Variants in SVIL observed in about 807,000 individuals in gnomAD.
SVIL encodes archvillin.
In SVIL, 101 loss-of-function variants were observed where a neutral mutation model predicts 240.4. That is an observed-to-expected ratio of 0.42 (90% confidence interval 0.36 to 0.50). The LOEUF is 0.50. SVIL is among the 20% of genes least tolerant of loss of function. The pLI, the probability that SVIL is intolerant of heterozygous loss-of-function variation, is 0.01. For missense variants in SVIL, 2,512 were observed against 2,818.7 expected (o/e 0.89, Z 2.46); for synonymous variants, 999 against 1,100.0 (o/e 0.91, Z 1.82).
rs757099028 is a variant in SVIL, at chr10:29,481,577, G to A, written c.5100+7C>T. 9.3e-6 allele frequency: 15 copies of A among 1,613,258 alleles called. No homozygotes were observed. Among genetic ancestry groups the A allele is most frequent in the South Asian group, 2.2e-5 (2 of 90,822 alleles). On this transcript the variant is annotated splice_region_variant and intron_variant, in intron 28 of 37. Transcript: ENST00000355867. ...CCCCGAGTTTTGAGGCTTGGTCGCC[G>A]GAATACCTTGTGCTGGGCAAGTTCC...
At position 29,458,168 on chromosome 10, in the gene SVIL, G is replaced by A. The variant is rs962506942; in HGVS notation, c.*79C>T. The stretch of plus-strand genomic sequence containing the variant: ...GAAAAATACTTTGTGAAAAACACCA[G>A]TCCAAAAATATATATCCATTTCCCT... On this transcript the variant is annotated 3_prime_UTR_variant, in exon 38 of 38. Coordinates refer to ENST00000355867, the MANE Select transcript of SVIL (RefSeq NM_021738.3). The A allele has an allele frequency of 7.9e-6, 11 of 1,388,900 alleles. No individual in the cohort carries two copies. In the African/African-American group the frequency reaches 1.2e-4, roughly 15 times the overall value. The allele number at this position is 1,388,900 out of a possible 1,614,324, so 86.0% of individuals were successfully genotyped here.
At chr10:29,623,435 C>A (rs916873587) in intron 1 of SVIL, among the ~76,000 whole-genome samples, 1 of 152,242 alleles carries the variant, frequency 6.6e-6, no homozygotes, top group African/African-American at 2.4e-5. Flanking sequence ...CTAAGTCAGG[C>A]CCCATGGGTT....
intron 2 of SVIL, among the ~76,000 whole-genome samples, chr10:29,567,124 C>T (rs564287588): frequency 1.3e-5 from 2 of 152,208 alleles, no homozygotes; most frequent in Non-Finnish European, 2.9e-5. Context: ...TGTGCCGCCA[C>T]CCCCCTTCCT....
chr10:29,630,812 G>A (rs1958057065), intron 1 of SVIL, among the ~76,000 whole-genome samples: 1 of 152,082 alleles, frequency 6.6e-6, no homozygotes, highest in African/African-American at 2.4e-5. Flanking sequence ...ATAGGATGAG[G>A]GCAAAAGTAC....
Position 29,694,764 on chromosome 10 carries a change from G to A in SVIL, c.-399-8113C>T, listed in dbSNP as rs577068903. ...GCCTGGCCCCAAAATACAATTTAAC[G>A]TTCTCTTAATATAACCAAAGGGGAA... On this transcript the variant is annotated intron_variant, in intron 1 of 35. Transcript: ENST00000375400. Among the ~76,000 whole-genome samples, 24 of 152,252 alleles carry A rather than the reference G, an allele frequency of 1.6e-4. 2 individuals are homozygous for A. In the South Asian group the frequency reaches 2.5e-3, roughly 16 times the overall value.
At chr10:29,707,292 G>C (rs1440033213) in intron 1 of SVIL, among the ~76,000 whole-genome samples, 1 of 152,130 alleles carries the variant, frequency 6.6e-6, no homozygotes, top group Non-Finnish European at 1.5e-5. Context: ...TTTTCCATTT[G>C]TTTGTGTACT....
intron 1 of SVIL, among the ~76,000 whole-genome samples, chr10:29,622,316 G>A (rs1293205548): frequency 6.7e-6 from 1 of 149,202 alleles, no homozygotes; most frequent in African/African-American, 2.5e-5. Flanking sequence ...CGTTTTTCAG[G>A]TGAGAAAACT....
Position 29,463,552 on chromosome 10 carries a change from G to C in SVIL, c.6217C>G (p.Arg2073Gly). 6.2e-7 allele frequency: 1 copy of C among 1,614,144 alleles called. No homozygotes were observed. The highest frequency in any genetic ancestry group is 1.1e-5 in the South Asian group (1 of 91,084). The change falls in exon 35 of 38, where the codon CGC becomes GGC. Residue 2073 changes from arginine (R) to glycine (G), a missense_variant. Arg to Gly is a moderately radical substitution (Grantham distance 125). Coordinates refer to ENST00000355867, the MANE Select transcript of SVIL (RefSeq NM_021738.3). ...PIENKITGSARIRWASDRKSA... is the reference protein window; with the variant it reads ...PIENKITGSAGIRWASDRKSA... ...TTCCGGTCGGAGGCCCAGCGGATGC[G>C]GGCGGAACCAGTGATCTTGTTCTCG... is the stretch of plus-strand genomic sequence containing the variant.
intron 1 of SVIL, among the ~76,000 whole-genome samples, chr10:29,728,068 G>A (rs1439410313): frequency 6.6e-6 from 1 of 152,142 alleles, no homozygotes; most frequent in Non-Finnish European, 1.5e-5. Flanking sequence ...TAAGTAGAAA[G>A]CATCCCTAGC....
chr10:29,487,461 G>A (rs1947520846), intron 23 of SVIL, 162 bp from the exon 24 acceptor site: 1 of 775,044 alleles, frequency 1.3e-6, no homozygotes, highest in Non-Finnish European at 2.0e-6. Flanking sequence ...ATTTAGAAAG[G>A]GCATGATGAT....
intron 6 of SVIL, among the ~76,000 whole-genome samples, chr10:29,549,802 C>G (rs1953073834): frequency 7.5e-6 from 1 of 134,072 alleles, no homozygotes; most frequent in Non-Finnish European, 1.6e-5. Context: ...TATTCTCACT[C>G]ATAGGTGGGA....
chr10:29,540,627 G>T (rs1444511738), intron 6 of SVIL, among the ~76,000 whole-genome samples: 1 of 152,126 alleles, frequency 6.6e-6, no homozygotes, highest in African/African-American at 2.4e-5. Context: ...TCTGGAAAAT[G>T]GCTGCTTCCT....
At chr10:29,584,785 G>A (rs1287330902) in intron 1 of SVIL, among the ~76,000 whole-genome samples, 1 of 152,222 alleles carries the variant, frequency 6.6e-6, no homozygotes, top group Non-Finnish European at 1.5e-5. Flanking sequence ...TGGACAGCCC[G>A]TGAAGAAGCA....
chr10:29,508,519 G>C (rs1949545233), intron 17 of SVIL: 1 of 653,904 alleles, frequency 1.5e-6, no homozygotes, highest in Non-Finnish European at 2.4e-6. Flanking sequence ...CACACAATAG[G>C]GTGATGTGAA....
Position 29,554,972 on chromosome 10 carries a change from C to T in SVIL, c.9-38G>A, listed in dbSNP as rs146900041. The T allele has an allele frequency of 1.1e-3, 1,823 of 1,608,874 alleles. 3 individuals are homozygous for T. Among genetic ancestry groups the T allele is most frequent in the Middle Eastern group, 0.011 (66 of 6,032 alleles). ...CCACAAGAGGCAGAGTGAGCAACAG[C>T]GATCGAATCTAAAGGAAAATGGAAT... is the stretch of plus-strand genomic sequence containing the variant. On this transcript the variant is annotated intron_variant, in intron 4 of 37. Transcript: ENST00000355867.
chr10:29,627,698 A>C (rs1054240472), intron 1 of SVIL, among the ~76,000 whole-genome samples: 1 of 152,228 alleles, frequency 6.6e-6, no homozygotes, highest in African/African-American at 2.4e-5. Context: ...TGGAGTGAAG[A>C]CCTGATACAA....
intron 2 of SVIL, among the ~76,000 whole-genome samples, chr10:29,675,227 C>CA: frequency 6.6e-6 from 1 of 152,122 alleles, no homozygotes; most frequent in East Asian, 1.9e-4. Context: ...CAGCTGGGCA[C>CA]AATGGCTCAT....
Position 29,533,408 on chromosome 10 carries a change from G to C in SVIL, c.959C>G (p.Pro320Arg). ...AGTTACGGACTCTGAGGCGAGTTCA[G>C]GGCTGTTTCGAGCACTTTCCTCTTT... Reference protein sequence around the residue: ...LVKEESARNSPELASESVTQR... With the variant: ...LVKEESARNSRELASESVTQR... Residue 320 changes from proline (P) to arginine (R), a missense_variant, in exon 8 of 38, where the codon CCT (proline) becomes CGT (arginine). This residue lies in a region of SVIL where 1,443 missense variants were observed against 1,486.6 expected (regional missense o/e 0.97). Coordinates refer to ENST00000355867, the MANE Select transcript of SVIL (RefSeq NM_021738.3). 3 of 1,614,094 alleles carry C rather than the reference G, an allele frequency of 1.9e-6. No homozygotes were observed. Among genetic ancestry groups the C allele is most frequent in the South Asian group, 1.1e-5 (1 of 91,074 alleles).
At chr10:29,651,293 T>C (rs1426486897) in intron 3 of SVIL, among the ~76,000 whole-genome samples, 1 of 152,164 alleles carries the variant, frequency 6.6e-6, no homozygotes, top group East Asian at 1.9e-4. Flanking sequence ...CAATTTTTCA[T>C]CAGAATCTGG....
Sources: gnomAD v4.1 joint callset for allele counts (sites outside exome capture counted in the v4.1 genomes callset) on GRCh38, gnomAD v4.1.1 for gene constraint, gnomAD v4.1.1 regional missense constraint, MANE v1.5 for transcripts, NCBI Gene and HGNC (gene_info 2026-07-23, HGNC 2026-07-21) for gene names.